FARP2: variants seen among roughly 807,000 people sequenced by gnomAD.
FARP2 encodes FERM, ARHGEF and pleckstrin domain-containing protein 2.
FARP2 carries 111 observed loss-of-function variants against 130.5 expected under a neutral mutation model. The observed-to-expected ratio is 0.85, with a 90% CI of 0.73 to 1.00. The LOEUF is 1.00. Ranked by LOEUF, FARP2 falls within the 50% of genes least tolerant of loss-of-function variation. The pLI, the probability that FARP2 is intolerant of heterozygous loss-of-function variation, is 0.00. For missense variants in FARP2, 1,385 were observed against 1,346.3 expected (o/e 1.03, Z -0.45); for synonymous variants, 504 against 516.9 (o/e 0.98, Z 0.34).
Position 241,417,975 on chromosome 2 carries a change from G to C in FARP2, c.637G>C (p.Ala213Pro). 1.2e-6 allele frequency: 2 copies of C among 1,614,202 alleles called. No individual in the cohort carries two copies. Among genetic ancestry groups the C allele is most frequent in the Non-Finnish European group, 1.7e-6 (2 of 1,180,036 alleles). The part of the protein sequence containing the change: ...FHQKHVGQTP[A>P]ESDFQVLEIA... ...TTTTTATTACAGGGGCCAGACACCT[G>C]CTGAGTCGGATTTCCAGGTGCTCGA... The change falls in exon 8 of 27, where the codon GCT becomes CCT. Residue 213 changes from alanine to proline, a missense_variant. Ala to Pro is a conservative substitution (Grantham distance 27). Transcript: ENST00000264042.
intron 1 of FARP2, 22 bp from the exon 2 acceptor site, chr2:241,373,062 G>GTGT: frequency 1.1e-6 from 1 of 927,898 alleles, no homozygotes; most frequent in Non-Finnish European, 1.4e-6. Context: ...CCTTCATGTG[G>GTGT]TTTTTTTTTT....
chr2:241,357,885 T>A (rs1043407918), intron 1 of FARP2, among the ~76,000 whole-genome samples: 1 of 152,218 alleles, frequency 6.6e-6, no homozygotes, highest in African/African-American at 2.4e-5. Flanking sequence ...CTCAGGTTCC[T>A]TATTCAAAAA....
At chr2:241,437,125 T>C (rs376921772) in intron 12 of FARP2, among the ~76,000 whole-genome samples, 21 of 152,260 alleles carry the variant, frequency 1.4e-4, no homozygotes, top group African/African-American at 5.1e-4. Context: ...GTAGGATTTT[T>C]TGTTAACTGC....
At chr2:241,395,394 A>G (rs1302522592) in intron 2 of FARP2, 2 of 152,146 alleles carry the variant, frequency 1.3e-5, no homozygotes, top group African/African-American at 2.4e-5. Context: ...TCTTCCTTAC[A>G]TTTAGCTATT....
chr2:241,480,695 AAAAG>A (rs1395926711), intron 19 of FARP2, among the ~76,000 whole-genome samples: 2 of 152,158 alleles, frequency 1.3e-5, no homozygotes, highest in Non-Finnish European at 2.9e-5. Flanking sequence ...TTTATGAAAA[AAAAG>A]AAAGGAAGAA....
chr2:241,417,856 A>G lies in FARP2; in HGVS notation c.624-106A>G, dbSNP rs2062715124. 5 of 1,276,596 alleles carry G rather than the reference A, an allele frequency of 3.9e-6. No individual in the cohort carries two copies. The Admixed American group carries it at 9.6e-5, about 24-fold the overall frequency. 79.1% of individuals were successfully genotyped at this position (1,276,596 alleles called of 1,614,324 possible). ...ACAGTGAACCATCTGCCCTCTAAAC[A>G]CACAAAGCCTTCATTGTTGGTTTTC... On this transcript the variant is annotated intron_variant, in intron 7 of 26. Transcript: ENST00000264042.
In FARP2 at chr2:241,493,296, G is replaced by A; in HGVS notation, c.2899G>A (p.Asp967Asn). 2 of 1,613,742 alleles carry A rather than the reference G, an allele frequency of 1.2e-6. No homozygotes were observed. Among genetic ancestry groups the A allele is most frequent in the Non-Finnish European group, 1.7e-6 (2 of 1,179,996 alleles). ...CLFFYKTHQD[D>N]YPLASLPLLG... is the part of the protein sequence containing the mutation. ...GTGTCCCTATGCTGTCTTGCAGGAT[G>A]ACTACCCACTGGCCAGCCTCCCGCT... Residue 967 changes from aspartate (D) to asparagine (N), a missense_variant, in exon 26 of 27, where the codon GAC (aspartate) becomes AAC (asparagine). Asp to Asn is a conservative substitution (Grantham distance 23). Coordinates refer to ENST00000264042, the MANE Select transcript of FARP2 (RefSeq NM_014808.4).
At chr2:241,442,043 A>G (rs192750257) in intron 13 of FARP2, 59 of 359,372 alleles carry the variant, frequency 1.6e-4, no homozygotes, top group Admixed American at 4.9e-4. Context: ...AGTGACTTCA[A>G]TGGGAACGCA....
At chr2:241,442,142 T>C (rs563811382) in intron 13 of FARP2, 89 of 430,196 alleles carry the variant, frequency 2.1e-4, no homozygotes, top group African/African-American at 1.7e-3. Flanking sequence ...ACCAGCTCAC[T>C]GAGAAACAGC....
At chr2:241,426,388 T>G (rs2062939993) in intron 8 of FARP2, among the ~76,000 whole-genome samples, 1 of 152,244 alleles carries the variant, frequency 6.6e-6, no homozygotes, top group Non-Finnish European at 1.5e-5. Context: ...TAGCTCAGCT[T>G]GTGAGCAATG....
intron 8 of FARP2, among the ~76,000 whole-genome samples, chr2:241,421,501 C>T (rs532507729): frequency 2.0e-5 from 3 of 152,272 alleles, no homozygotes; most frequent in South Asian, 4.1e-4. Context: ...CCTGCGGGGG[C>T]GGGGTGGCCA....
chr2:241,450,565 C>T (rs1459421914), intron 13 of FARP2, among the ~76,000 whole-genome samples: 1 of 152,032 alleles, frequency 6.6e-6, no homozygotes, highest in Non-Finnish European at 1.5e-5. Context: ...ACTCAGGAGG[C>T]TGAGGCAGGA....
At chr2:241,419,663 A>C (rs2062758557) in intron 8 of FARP2, among the ~76,000 whole-genome samples, 1 of 152,188 alleles carries the variant, frequency 6.6e-6, no homozygotes, top group Non-Finnish European at 1.5e-5. Flanking sequence ...GAAGGCTGGA[A>C]TCTCACAGCC....
At chr2:241,414,869 C>T (rs892811156) in intron 7 of FARP2, among the ~76,000 whole-genome samples, 4 of 152,128 alleles carry the variant, frequency 2.6e-5, no homozygotes, top group African/African-American at 9.7e-5. Context: ...AGGCAAAGCA[C>T]CAGCCTGGGA....
chr2:241,434,952 T>A lies in FARP2; in HGVS notation c.1032-10T>A. 1 of 1,509,376 alleles carries A rather than the reference T, an allele frequency of 6.6e-7. No homozygotes were observed. Among genetic ancestry groups the A allele is most frequent in the Non-Finnish European group, 9.1e-7 (1 of 1,095,110 alleles). The allele number at this position is 1,509,376 out of a possible 1,614,324, so 93.5% of individuals were successfully genotyped here. On this transcript the variant is annotated splice_polypyrimidine_tract_variant and intron_variant, in intron 10 of 26. Coordinates refer to ENST00000264042, the MANE Select transcript of FARP2 (RefSeq NM_014808.4). ...TGTTCTTTATTAAAAATCTGAATCT[T>A]TATTCACAGTGGAAGAACTCAGAAA...
rs1482710411 is a variant in FARP2, at chr2:241,447,862, G to T, written c.1411+6306G>T. The stretch of plus-strand genomic sequence containing the variant: ...TAGGCTCCTCACCTTGCCCTTTTCG[G>T]ACCTTGGAGCAGCACAGAGCTGCAG... On this transcript the variant is annotated intron_variant, in intron 13 of 26. Transcript: ENST00000264042. 3.9e-5 allele frequency among the ~76,000 whole-genome samples: 6 copies of T among 152,154 alleles called. No homozygotes were observed. In the East Asian group the frequency reaches 1.2e-3, roughly 29 times the overall value.
intron 8 of FARP2, among the ~76,000 whole-genome samples, chr2:241,427,457 A>G (rs956767066): frequency 1.3e-5 from 2 of 152,188 alleles, no homozygotes; most frequent in Admixed American, 6.5e-5. Context: ...TCGGGAGACC[A>G]GCCTTAGCAG....
intron 8 of FARP2, among the ~76,000 whole-genome samples, chr2:241,429,299 C>T (rs1429898897): frequency 6.6e-6 from 1 of 151,892 alleles, no homozygotes; most frequent in African/African-American, 2.4e-5. Flanking sequence ...AATGCTGTAC[C>T]CAGGCATTAT....
At chr2:241,431,465 G>T (rs2063088516) in intron 8 of FARP2, among the ~76,000 whole-genome samples, 1 of 152,054 alleles carries the variant, frequency 6.6e-6, no homozygotes, top group Non-Finnish European at 1.5e-5. Context: ...AACAGAGCAA[G>T]ACTCCATCTC....
Sources: gnomAD v4.1 joint callset for allele counts (sites outside exome capture counted in the v4.1 genomes callset) on GRCh38, gnomAD v4.1.1 for gene constraint, MANE v1.5 for transcripts, NCBI Gene and HGNC (gene_info 2026-07-23, HGNC 2026-07-21) for gene names.